NPHP3: variants seen among roughly 807,000 people sequenced by gnomAD.
The protein encoded by NPHP3 is nephrocystin 3.
Under a neutral mutation model 171.9 loss-of-function variants are expected in NPHP3, and 123 were observed. The observed-to-expected ratio is 0.72, with a 90% CI of 0.62 to 0.83. The LOEUF (loss-of-function observed/expected upper bound fraction) is 0.83. Ranked by LOEUF, NPHP3 falls within the 40% of genes least tolerant of loss-of-function variation. The pLI is 0.00. For synonymous variants in NPHP3, 558 were observed against 579.2 expected (o/e 0.96, Z 0.52); for missense variants, 1,506 against 1,591.9 (o/e 0.95, Z 0.92).
At chr3:132,688,529 T>C (rs1446388114) in intron 21 of NPHP3, 121 bp downstream of exon 21, 22 of 1,054,994 alleles carry the variant, frequency 2.1e-5, no homozygotes, top group Non-Finnish European at 2.8e-5. Flanking sequence ...GTTTACCACA[T>C]GAAGACTAGG....
At chr3:132,685,196 C>T (rs1002033550) in intron 23 of NPHP3, 5 of 207,230 alleles carry the variant, frequency 2.4e-5, no homozygotes, top group Non-Finnish European at 4.0e-5. Context: ...TGTGTGTAAC[C>T]TTGAACTCCT....
At chr3:132,690,740 A>G in intron 18 of NPHP3, 90 bp from the exon 19 acceptor site, 1 of 1,278,352 alleles carries the variant, frequency 7.8e-7, no homozygotes, top group Non-Finnish European at 1.1e-6. Flanking sequence ...GAAGAAAAAT[A>G]TTTAACATAT....
intron 11 of NPHP3, 90 bp from the exon 12 acceptor site, chr3:132,700,151 T>C: frequency 6.6e-7 from 1 of 1,524,668 alleles, no homozygotes. Flanking sequence ...TATTCTTACT[T>C]TTTTATAAAC....
At chr3:132,702,335 T>C (rs530620387) in intron 9 of NPHP3, among the ~76,000 whole-genome samples, 2 of 152,284 alleles carry the variant, frequency 1.3e-5, no homozygotes, top group African/African-American at 4.8e-5. Flanking sequence ...GTCTGGGGAC[T>C]TGGAGTCTCC....
intron 6 of NPHP3, among the ~76,000 whole-genome samples, chr3:132,712,221 T>C (rs1939928411): frequency 6.6e-6 from 1 of 152,202 alleles, no homozygotes; most frequent in Non-Finnish European, 1.5e-5. Context: ...CCTCAAAAAA[T>C]GTAAATTATG....
chr3:132,697,425 A>T, intron 13 of NPHP3, 63 bp from the exon 14 acceptor site: 2 of 1,071,358 alleles, frequency 1.9e-6, no homozygotes, highest in Non-Finnish European at 2.8e-6. Context: ...AATTACCCAT[A>T]ACACAATTTA....
chr3:132,721,705 G>A (rs753086882), intron 1 of NPHP3: 2 of 670,956 alleles, frequency 3.0e-6, no homozygotes. Flanking sequence ...AGGAGGCCGA[G>A]GCGGGAGGAT....
Position 132,716,869 on chromosome 3 carries a change from C to T in NPHP3, c.711G>A (p.Leu237=). ...TQCEYWTGGA[L]GSEPSIGSMI... The stretch of plus-strand genomic sequence containing the variant: ...TGCTTCCTATGGAAGGTTCACTTCC[C>T]AAGGCTCCGCCAGTCCAATATTCAC... Residue 237 remains leucine, a synonymous_variant, in exon 4 of 27, where the codon TTG becomes TTA. Transcript: ENST00000337331. 6.2e-7 allele frequency: 1 copy of T among 1,614,060 alleles called. No individual in the cohort carries two copies. Among genetic ancestry groups the T allele is most frequent in the Non-Finnish European group, 8.5e-7 (1 of 1,179,996 alleles).
intron 6 of NPHP3, among the ~76,000 whole-genome samples, chr3:132,709,080 T>C (rs1173778318): frequency 6.6e-6 from 1 of 152,026 alleles, no homozygotes; most frequent in Non-Finnish European, 1.5e-5. Context: ...ATACCCAATA[T>C]ATACTACAGG....
At chr3:132,711,394 A>G (rs1939905404) in intron 6 of NPHP3, among the ~76,000 whole-genome samples, 1 of 152,170 alleles carries the variant, frequency 6.6e-6, no homozygotes, top group Non-Finnish European at 1.5e-5. Context: ...ATTTTTAAAA[A>G]TGTACAATAT....
At chr3:132,687,846 T>A (rs1261686305) in intron 21 of NPHP3, among the ~76,000 whole-genome samples, 1 of 152,242 alleles carries the variant, frequency 6.6e-6, no homozygotes, top group African/African-American at 2.4e-5. Flanking sequence ...GCTTTTTCTA[T>A]AACGGGCTAG....
chr3:132,681,676 T>A lies in NPHP3; in HGVS notation c.*234A>T, dbSNP rs543992318. The A allele has an allele frequency of 3.6e-5, 18 of 504,620 alleles. No homozygotes were observed. Among genetic ancestry groups the A allele is most frequent in the African/African-American group, 3.3e-4 (17 of 51,780 alleles). 31.3% of individuals were successfully genotyped at this position (504,620 alleles called of 1,614,324 possible). On this transcript the variant is annotated 3_prime_UTR_variant, in exon 27 of 27. Coordinates refer to ENST00000337331, the MANE Select transcript of NPHP3 (RefSeq NM_153240.5). ...TGCTCCTCATGTCTTCTTATAATTC[T>A]AATGTGTCTACATCCTTGGATACCA...
chr3:132,696,820 C>T lies in NPHP3; in HGVS notation c.2089-7G>A, dbSNP rs751877531. On this transcript the variant is annotated splice_region_variant and splice_polypyrimidine_tract_variant and intron_variant, in intron 14 of 26. Coordinates refer to ENST00000337331, the MANE Select transcript of NPHP3 (RefSeq NM_153240.5). The stretch of plus-strand genomic sequence containing the variant: ...GTCGTTCTAGCTTCTTCTCCTGCAC[C>T]AGTTTACCAAGAAAAACAAAACAGA... The T allele has an allele frequency of 1.2e-6, 2 of 1,611,870 alleles. No individual in the cohort carries two copies. Among genetic ancestry groups the T allele is most frequent in the Non-Finnish European group, 1.7e-6 (2 of 1,178,356 alleles).
At chr3:132,703,993 A>T (rs1331633202) in intron 9 of NPHP3, among the ~76,000 whole-genome samples, 1 of 152,242 alleles carries the variant, frequency 6.6e-6, no homozygotes, top group East Asian at 1.9e-4. Flanking sequence ...ATAACTAAAA[A>T]TGTTCGGTCT....
Position 132,684,639 on chromosome 3 carries a change from A to G in NPHP3, c.3485T>C (p.Leu1162Ser). Residue 1162 changes from leucine (L) to serine (S), a missense_variant, in exon 24 of 27, where the codon TTA becomes TCA. Physicochemically the swap from Leu to Ser is moderately radical, Grantham distance 145 (BLOSUM62 -2). Transcript: ENST00000337331. ...AGCTAATGCACGTCTCCGAATATCT[A>G]AAGCTCTTTCATAAAGTTCTTCTGC... is the stretch of plus-strand genomic sequence containing the variant. ...DKAEELYERA[L>S]DIRRRALAPD... The G allele has an allele frequency of 1.2e-6, 2 of 1,614,096 alleles. No homozygotes were observed. The highest frequency in any genetic ancestry group is 3.3e-4 in the Middle Eastern group (2 of 6,062).
At chr3:132,691,408 A>C in intron 17 of NPHP3, 122 bp from the exon 18 acceptor site, 1 of 708,810 alleles carries the variant, frequency 1.4e-6, no homozygotes, top group South Asian at 1.6e-5. Context: ...TAGAAATGTC[A>C]CTTAAATGTT....
chr3:132,705,617 C>A, intron 8 of NPHP3, 123 bp downstream of exon 8: 1 of 608,596 alleles, frequency 1.6e-6, no homozygotes, highest in South Asian at 1.9e-5. Context: ...ACAGAAACAA[C>A]AGCGCCTTCC....
intron 3 of NPHP3, chr3:132,718,173 T>A (rs1576687064): frequency 2.3e-6 from 1 of 428,906 alleles, no homozygotes; most frequent in Non-Finnish European, 4.6e-6. Flanking sequence ...CCAAAATGCA[T>A]CCATTTGTGA....
At chr3:132,686,096 A>T in intron 23 of NPHP3, 164 bp downstream of exon 23, 1 of 645,786 alleles carries the variant, frequency 1.5e-6, no homozygotes, top group Non-Finnish European at 2.7e-6. Flanking sequence ...AGAAAATGCC[A>T]TGGTCTTTAG....
Sources: allele counts gnomAD v4.1 joint callset (sites outside exome capture counted in the v4.1 genomes callset), GRCh38; gene constraint gnomAD v4.1.1; transcripts MANE v1.5; gene names NCBI Gene and HGNC (gene_info 2026-07-23, HGNC 2026-07-21).